The following TLN2 variants were observed in gnomAD, a reference collection of about 807,000 sequenced individuals.
TLN2 encodes talin 2.
TLN2 carries 118 observed loss-of-function variants against 294.7 expected under a neutral mutation model. That is an observed-to-expected ratio of 0.40 (90% CI 0.34 to 0.47). The LOEUF is 0.47. TLN2 is among the 20% of genes least tolerant of loss of function. The pLI is 0.84. For missense variants in TLN2, 3,083 were observed against 3,282.2 expected (o/e 0.94, Z 1.48); for synonymous variants, 1,431 against 1,304.5 (o/e 1.10, Z -2.09).
chr15:62,406,995 A>G (rs755150597), intron 1 of TLN2, among the ~76,000 whole-genome samples: 35 of 152,202 alleles, frequency 2.3e-4, no homozygotes, highest in Non-Finnish European at 4.9e-4. Flanking sequence ...CCTGTAACAC[A>G]AATTGTCAGA....
At chr15:62,659,496 A>G (rs2053588745) in intron 9 of TLN2, among the ~76,000 whole-genome samples, 1 of 152,322 alleles carries the variant, frequency 6.6e-6, no homozygotes, top group East Asian at 1.9e-4. Flanking sequence ...TGTCGAGATT[A>G]CAAACTAACA....
At chr15:62,550,254 A>G (rs2042221303) in intron 1 of TLN2, among the ~76,000 whole-genome samples, 2 of 152,280 alleles carry the variant, frequency 1.3e-5, no homozygotes, top group African/African-American at 4.8e-5. Flanking sequence ...AACAGGAAAT[A>G]ATAGTTTAGG....
In TLN2 at chr15:62,697,748, G is replaced by A. The variant is rs372984234; in HGVS notation, c.1353G>A (p.Ala451=). 3.0e-5 allele frequency: 48 copies of A among 1,611,726 alleles called. No homozygotes were observed. In the African/African-American group the frequency reaches 5.1e-4, roughly 17 times the overall value. Residue 451 remains alanine (A), a synonymous_variant, in exon 15 of 59, where the codon GCG becomes GCA. Transcript: ENST00000636159. ...RTGKAEHGSV[A]LPAVMRSGSS... is the part of the protein sequence containing the mutation. ...GGAAGGCAGAGCACGGCTCAGTGGC[G>A]CTGCCGGCCGTGATGCGCTCGGGCT...
chr15:62,392,436 A>G (rs1437340227), intron 1 of TLN2, among the ~76,000 whole-genome samples: 1 of 152,168 alleles, frequency 6.6e-6, no homozygotes, highest in African/African-American at 2.4e-5. Context: ...CTTTTCCATT[A>G]ATAATACCTG....
intron 1 of TLN2, among the ~76,000 whole-genome samples, chr15:62,527,693 C>T (rs1460850786): frequency 6.6e-6 from 1 of 152,210 alleles, no homozygotes; most frequent in African/African-American, 2.4e-5. Flanking sequence ...TATGTCTGTA[C>T]ACAGTATGGC....
intron 1 of TLN2, among the ~76,000 whole-genome samples, chr15:62,446,754 A>G (rs1039057080): frequency 1.3e-5 from 2 of 152,286 alleles, no homozygotes; most frequent in East Asian, 3.9e-4. Context: ...CAGTATCTCT[A>G]CAAGGGCTGG....
chr15:62,844,363 A>G lies in TLN2; in HGVS notation c.*3753A>G, dbSNP rs556735905. On this transcript the variant is annotated 3_prime_UTR_variant, in exon 59 of 59. Coordinates refer to ENST00000636159, the MANE Select transcript of TLN2 (RefSeq NM_015059.3). ...ACAAGAGCTATTTCTTTTCAATAAAAAAGGTTTGGATTCGGCCTCTTCCTC... is the reference window on the plus strand; with the variant it reads ...ACAAGAGCTATTTCTTTTCAATAAAGAAGGTTTGGATTCGGCCTCTTCCTC... 18 of 152,186 alleles carry G rather than the reference A, an allele frequency of 1.2e-4. No homozygotes were observed. The highest frequency in any genetic ancestry group is 4.1e-4 in the African/African-American group (17 of 41,506). The allele number at this position is 152,186 out of a possible 1,614,324, so 9.4% of individuals were successfully genotyped here.
intron 45 of TLN2, among the ~76,000 whole-genome samples, chr15:62,788,139 T>C (rs541155837): frequency 2.0e-5 from 3 of 151,654 alleles, no homozygotes; most frequent in African/African-American, 7.2e-5. Context: ...GGCGAAACCC[T>C]GTCTCTACTA....
At chr15:62,515,563 A>G (rs2040146208) in intron 1 of TLN2, among the ~76,000 whole-genome samples, 1 of 152,170 alleles carries the variant, frequency 6.6e-6, no homozygotes, top group African/African-American at 2.4e-5. Flanking sequence ...CCTGAAGGAG[A>G]GGGCATTTCT....
chr15:62,655,487 A>C (rs1466359095), intron 7 of TLN2, among the ~76,000 whole-genome samples: 1 of 152,074 alleles, frequency 6.6e-6, no homozygotes, highest in African/African-American at 2.4e-5. Flanking sequence ...GAGGTAACTT[A>C]CTATGCTCAT....
chr15:62,458,170 C>T (rs570139523), intron 1 of TLN2, among the ~76,000 whole-genome samples: 90 of 152,122 alleles, frequency 5.9e-4, no homozygotes, highest in Non-Finnish European at 1.2e-3. Context: ...GTGGGCATCT[C>T]GTTGGTGGGA....
intron 18 of TLN2, 135 bp from the exon 19 acceptor site, chr15:62,702,631 G>A: frequency 1.3e-6 from 1 of 799,460 alleles, no homozygotes; most frequent in East Asian, 2.6e-5. Context: ...TCTTCTATCT[G>A]GCAGACCACC....
chr15:62,427,206 T>C (rs1038181065), intron 1 of TLN2, among the ~76,000 whole-genome samples: 2 of 152,114 alleles, frequency 1.3e-5, no homozygotes, highest in East Asian at 3.9e-4. Context: ...CTGGAACTTA[T>C]TTTATATTTT....
intron 58 of TLN2, among the ~76,000 whole-genome samples, chr15:62,839,517 G>C (rs2070332900): frequency 6.6e-6 from 1 of 152,198 alleles, no homozygotes; most frequent in Admixed American, 6.5e-5. Context: ...CCCTCTCCCA[G>C]AACTTTTATA....
At chr15:62,784,799 A>G (rs539856139) in intron 45 of TLN2, 2 of 152,326 alleles carry the variant, frequency 1.3e-5, no homozygotes, top group South Asian at 4.1e-4. Context: ...AGCGCAAACC[A>G]TGTTCGAGAC....
At chr15:62,814,971 A>C (rs2066983844) in intron 52 of TLN2, among the ~76,000 whole-genome samples, 1 of 152,232 alleles carries the variant, frequency 6.6e-6, no homozygotes, top group South Asian at 2.1e-4. Context: ...AGAATGCCCA[A>C]GCCTGGGAAG....
intron 50 of TLN2, among the ~76,000 whole-genome samples, chr15:62,803,980 C>T (rs902188953): frequency 6.6e-6 from 1 of 152,070 alleles, no homozygotes; most frequent in African/African-American, 2.4e-5. Context: ...TGATCTAAGC[C>T]GTATCTGCAT....
At position 62,707,203 on chromosome 15, in the gene TLN2, GC is replaced by G; in HGVS notation, c.2123del (p.Ala708ValfsTer19). 2 of 1,614,004 alleles carry G rather than the reference GC, an allele frequency of 1.2e-6. No homozygotes were observed. The highest frequency in any genetic ancestry group is 8.5e-7 in the Non-Finnish European group (1 of 1,179,932). Reference protein sequence around the residue: ...DTVLQNRVIAAATQCALSTSQ... With the variant: ...DTVLQNRVIAXATQCALSTSQ... ...TGTCCTACAGAACAGGGTAATTGCT[GC>G]TGCCACCCAGTGTGCCCTCTCCACC... is the stretch of plus-strand genomic sequence containing the variant. On this transcript the variant is annotated frameshift_variant, in exon 20 of 59. Transcript: ENST00000636159. LOFTEE classifies it high-confidence loss of function.
chr15:62,690,538 C>G (rs1297563892), intron 12 of TLN2: 1 of 159,142 alleles, frequency 6.3e-6, no homozygotes, highest in Non-Finnish European at 1.3e-5. Context: ...ACTGGGCAGC[C>G]AGGCAGAGGG....
Sources: allele counts gnomAD v4.1 joint callset (sites outside exome capture counted in the v4.1 genomes callset), GRCh38; gene constraint gnomAD v4.1.1; transcripts MANE v1.5; gene names NCBI Gene and HGNC (gene_info 2026-07-23, HGNC 2026-07-21).